Variants in BRIP1 observed in about 807,000 individuals in gnomAD.
The protein encoded by BRIP1 is Fanconi anemia group J protein.
Under a neutral mutation model 119.7 loss-of-function variants are expected in BRIP1, and 88 were observed. The ratio of observed to expected loss-of-function variants is 0.74; its 90% CI spans 0.62 to 0.88. The LOEUF (loss-of-function observed/expected upper bound fraction) is 0.88. BRIP1 is among the 40% of genes least tolerant of loss of function. The pLI is 0.00. For missense variants in BRIP1, 1,259 were observed against 1,455.4 expected (o/e 0.87, Z 2.20); for synonymous variants, 443 against 496.5 (o/e 0.89, Z 1.43).
rs1323134169 is a variant in BRIP1, at chr17:61,842,088, T to C, written c.627+5013A>G. Among the ~76,000 whole-genome samples, 1 of 152,164 alleles carries C rather than the reference T, an allele frequency of 6.6e-6. No individual in the cohort carries two copies. The highest frequency in any genetic ancestry group is 1.5e-5 in the Non-Finnish European group (1 of 68,030). ...AAGAAAATGTGACACATATACACAA[T>C]GGAATATTATTCAGCCATAGAAAAA... On this transcript the variant is annotated intron_variant, in intron 6 of 19. Coordinates refer to ENST00000259008, the MANE Select transcript of BRIP1 (RefSeq NM_032043.3). The surrounding 1 kb of genome is among the most constrained non-coding windows in gnomAD (Gnocchi z 5.1).
Position 61,695,022 on chromosome 17 carries a change from A to G in BRIP1, c.2493-1510T>C, listed in dbSNP as rs1429682187. ...TTTGAAGAATAAAAATTTGAACTGT[A>G]ACAAAGTCCAATTTATCTGCTTTTT... On this transcript the variant is annotated intron_variant, in intron 17 of 19. Transcript: ENST00000259008. The surrounding 1 kb of genome is among the most constrained non-coding windows in gnomAD (Gnocchi z 4.3). Among the ~76,000 whole-genome samples, 1 of 151,826 alleles carries G rather than the reference A, an allele frequency of 6.6e-6. No individual in the cohort carries two copies. Among genetic ancestry groups the G allele is most frequent in the Admixed American group, 6.6e-5 (1 of 15,224 alleles).
In BRIP1 at chr17:61,851,302, A is replaced by C. The variant is rs1378416231; in HGVS notation, c.380-2046T>G. On this transcript the variant is annotated intron_variant, in intron 4 of 19. Coordinates refer to ENST00000259008, the MANE Select transcript of BRIP1 (RefSeq NM_032043.3). This position sits in a 1 kb window ranked among gnomAD's most constrained non-coding sequence, Gnocchi z 4.6. ...GAAAGACCCAGAACTTCCCTGATCC[A>C]CTTTCCCCCTTCCCTTATGAGTCAT... is the stretch of plus-strand genomic sequence containing the variant. 6.6e-6 allele frequency among the ~76,000 whole-genome samples: 1 copy of C among 152,138 alleles called. No homozygotes were observed. Among genetic ancestry groups the C allele is most frequent in the Non-Finnish European group, 1.5e-5 (1 of 68,004 alleles).
intron 10 of BRIP1, among the ~76,000 whole-genome samples, chr17:61,790,896 G>T (rs2077806750): frequency 6.6e-6 from 1 of 151,932 alleles, no homozygotes; most frequent in Admixed American, 6.5e-5. Flanking sequence ...CAAAGTGTAG[G>T]ATTACTGGCA....
At chr17:61,838,500 C>T (rs2078608306) in intron 6 of BRIP1, among the ~76,000 whole-genome samples, 1 of 151,250 alleles carries the variant, frequency 6.6e-6, no homozygotes, top group Non-Finnish European at 1.5e-5. Context: ...GAGCCGATCG[C>T]GCCACTGCAC....
chr17:61,761,092 A>G lies in BRIP1; in HGVS notation c.2097+15309T>C, dbSNP rs547654915. On this transcript the variant is annotated intron_variant, in intron 14 of 19. Coordinates refer to ENST00000259008, the MANE Select transcript of BRIP1 (RefSeq NM_032043.3). The surrounding 1 kb of genome is among the most constrained non-coding windows in gnomAD (Gnocchi z 6.4). Reference sequence around the variant, plus strand: ...GGGATTTATCACTGGATGGAAAGATAGTTCAACATATGTAAATCAATAAAT... The same window carrying G: ...GGGATTTATCACTGGATGGAAAGATGGTTCAACATATGTAAATCAATAAAT... 5.4e-4 allele frequency among the ~76,000 whole-genome samples: 82 copies of G among 152,180 alleles called. No individual in the cohort carries two copies. The highest frequency in any genetic ancestry group is 1.9e-3 in the African/African-American group (80 of 41,576).
At chr17:61,732,326 C>G in intron 16 of BRIP1, among the ~76,000 whole-genome samples, 1 of 152,208 alleles carries the variant, frequency 6.6e-6, no homozygotes, top group Admixed American at 6.5e-5. Flanking sequence ...TGTAATCTAA[C>G]CTCTGATGAG....
chr17:61,766,783 G>T (rs559343035), intron 14 of BRIP1, among the ~76,000 whole-genome samples: 1 of 151,702 alleles, frequency 6.6e-6, no homozygotes, highest in South Asian at 2.1e-4. Context: ...TTTTTAAGTC[G>T]AAGTCTGTAT....
At position 61,760,916 on chromosome 17, in the gene BRIP1, T is replaced by G. The variant is rs1000999272; in HGVS notation, c.2097+15485A>C. ...AATTCTTTTTACATGACCAGCATTA[T>G]CACCCTGATACCAAGGCCAGATAAG... On this transcript the variant is annotated intron_variant, in intron 14 of 19. Transcript: ENST00000259008. The surrounding 1 kb of genome is among the most constrained non-coding windows in gnomAD (Gnocchi z 4.6). 1.3e-5 allele frequency among the ~76,000 whole-genome samples: 2 copies of G among 151,996 alleles called. No individual in the cohort carries two copies. Among genetic ancestry groups the G allele is most frequent in the Non-Finnish European group, 2.9e-5 (2 of 67,908 alleles).
chr17:61,789,646 T>C lies in BRIP1; in HGVS notation c.1473+3951A>G, dbSNP rs997734783. On this transcript the variant is annotated intron_variant, in intron 10 of 19. Coordinates refer to ENST00000259008, the MANE Select transcript of BRIP1 (RefSeq NM_032043.3). This position sits in a 1 kb window ranked among gnomAD's most constrained non-coding sequence, Gnocchi z 4.8. ...TGGAAATAACCTATATTTCAACTTA[T>C]CAGATTAATCAATTTAGAATAAGTA... 2.6e-5 allele frequency among the ~76,000 whole-genome samples: 4 copies of C among 152,150 alleles called. No individual in the cohort carries two copies. Among genetic ancestry groups the C allele is most frequent in the African/African-American group, 4.8e-5 (2 of 41,440 alleles).
rs571238257 is a variant in BRIP1 at position 61,795,209 on chromosome 17, C to A, written c.1341-1480G>T. On this transcript the variant is annotated intron_variant, in intron 9 of 19. Coordinates refer to ENST00000259008, the MANE Select transcript of BRIP1 (RefSeq NM_032043.3). The surrounding 1 kb of genome is among the most constrained non-coding windows in gnomAD (Gnocchi z 5.6). ...ACATCATGGAAGATGGGGTATCCAT[C>A]CTCTCAAGCATTAATCCTTTGTGTT... Among the ~76,000 whole-genome samples, 1 of 152,154 alleles carries A rather than the reference C, an allele frequency of 6.6e-6. No individual in the cohort carries two copies. The highest frequency in any genetic ancestry group is 2.1e-4 in the South Asian group (1 of 4,814).
In BRIP1 at chr17:61,793,802, C is replaced by A. The variant is rs905314292; in HGVS notation, c.1341-73G>T. On this transcript the variant is annotated intron_variant, in intron 9 of 19. Transcript: ENST00000259008. This position sits in a 1 kb window ranked among gnomAD's most constrained non-coding sequence, Gnocchi z 5.2. ...CACTATTTCAGCAGAACAAGAGAAT[C>A]ATCATTATTGTCATGCGTTGATCTG... 4.1e-6 allele frequency: 6 copies of A among 1,478,194 alleles called. No homozygotes were observed. Among genetic ancestry groups the A allele is most frequent in the Non-Finnish European group, 5.5e-6 (6 of 1,083,864 alleles). The allele number at this position is 1,478,194 out of a possible 1,614,324, so 91.6% of individuals were successfully genotyped here.
rs67186945 is a variant in BRIP1, at chr17:61,722,036, CT to C, written c.2380-5974del. On this transcript the variant is annotated intron_variant, in intron 16 of 19. Transcript: ENST00000259008. This position sits in a 1 kb window ranked among gnomAD's most constrained non-coding sequence, Gnocchi z 4.6. Reference sequence around the variant, plus strand: ...GAGCCACCACGCCTAGCCAACTTTGCTTTTTTTTTTTTTCTTTTTTTTTGAG... The same window carrying C: ...GAGCCACCACGCCTAGCCAACTTTGCTTTTTTTTTTTTCTTTTTTTTTGAG... Among the ~76,000 whole-genome samples the C allele has an allele frequency of 0.93, 131,445 of 141,874 alleles. 61,523 individuals carry two copies. Among genetic ancestry groups the C allele is most frequent in the East Asian group, 1 (4,828 of 4,840 alleles). The allele number at this position is 141,874 out of a possible 152,430, so 93.1% of individuals were successfully genotyped here.
In BRIP1 at chr17:61,848,078, C is replaced by T. The variant is rs1161764778; in HGVS notation, c.508-858G>A. On this transcript the variant is annotated intron_variant, in intron 5 of 19. Transcript: ENST00000259008. This position sits in a 1 kb window ranked among gnomAD's most constrained non-coding sequence, Gnocchi z 4.3. ...AAAGACTGTAAGTGGAACAGTTAAA[C>T]TACATAAGACTTCAAGAACCTTGAG... Among the ~76,000 whole-genome samples, 1 of 152,110 alleles carries T rather than the reference C, an allele frequency of 6.6e-6. No homozygotes were observed. Among genetic ancestry groups the T allele is most frequent in the Non-Finnish European group, 1.5e-5 (1 of 68,016 alleles).
Position 61,680,480 on chromosome 17 carries a change from CTTTTT to C in BRIP1, c.*2811_*2815del, listed in dbSNP as rs768910110. 8.1e-6 allele frequency among the ~76,000 whole-genome samples: 1 copy of C among 124,088 alleles called. No homozygotes were observed. The highest frequency in any genetic ancestry group is 3.2e-5 in the African/African-American group (1 of 31,700). 81.4% of individuals were successfully genotyped at this position (124,088 alleles called of 152,430 possible). ...AGTTTACCAATTCTAAAGGTAATTT[CTTTTT>C]TTTTTTTTTTTTGAGACGGAGTCCC... On this transcript the variant is annotated 3_prime_UTR_variant, in exon 20 of 20. Transcript: ENST00000259008.
rs1369199273 is a variant in BRIP1 at position 61,807,349 on chromosome 17, T to C, written c.918+1118A>G. Among the ~76,000 whole-genome samples, 1 of 152,220 alleles carries C rather than the reference T, an allele frequency of 6.6e-6. No homozygotes were observed. The highest frequency in any genetic ancestry group is 2.4e-5 in the African/African-American group (1 of 41,462). On this transcript the variant is annotated intron_variant, in intron 7 of 19. Coordinates refer to ENST00000259008, the MANE Select transcript of BRIP1 (RefSeq NM_032043.3). This position sits in a 1 kb window ranked among gnomAD's most constrained non-coding sequence, Gnocchi z 4.5. Reference sequence around the variant, plus strand: ...TTTGGAAATAAATATGACTGTAGGATTTCAACAATGACTTTGATTCAGTAA... The same window carrying C: ...TTTGGAAATAAATATGACTGTAGGACTTCAACAATGACTTTGATTCAGTAA...
At chr17:61,731,553 G>A (rs1322673560) in intron 16 of BRIP1, among the ~76,000 whole-genome samples, 1 of 152,172 alleles carries the variant, frequency 6.6e-6, no homozygotes, top group Non-Finnish European at 1.5e-5. Context: ...GCTTCTTTCA[G>A]TTCTTGGAAA....
chr17:61,859,356 T>C (rs2078941970), intron 3 of BRIP1, among the ~76,000 whole-genome samples: 1 of 152,004 alleles, frequency 6.6e-6, no homozygotes, highest in Non-Finnish European at 1.5e-5. Context: ...CATCCAAAAC[T>C]TTGTTTGTTT....
At chr17:61,766,139 C>T (rs1397806318) in intron 14 of BRIP1, among the ~76,000 whole-genome samples, 1 of 152,114 alleles carries the variant, frequency 6.6e-6, no homozygotes, top group Admixed American at 6.6e-5. Flanking sequence ...CAGTAGAATA[C>T]TATTACGAGG....
At chr17:61,696,686 CAA>C (rs1237775624) in intron 17 of BRIP1, among the ~76,000 whole-genome samples, 11 of 57,130 alleles carry the variant, frequency 1.9e-4, no homozygotes, top group African/African-American at 3.2e-4. Flanking sequence ...CTTTGTCTCA[CAA>C]AAAAAAAAAA....
Sources: allele counts gnomAD v4.1 joint callset (sites outside exome capture counted in the v4.1 genomes callset), GRCh38; gene constraint gnomAD v4.1.1; non-coding constraint Gnocchi (gnomAD v3.1); transcripts MANE v1.5; gene names NCBI Gene and HGNC (gene_info 2026-07-23, HGNC 2026-07-21).